The following PHC3 variants were observed in gnomAD, a reference collection of about 807,000 sequenced individuals.
PHC3 encodes the protein polyhomeotic-like protein 3.
Under a neutral mutation model 107.4 loss-of-function variants are expected in PHC3, and 13 were observed. The ratio of observed to expected loss-of-function variants is 0.12; its 90% confidence interval spans 0.08 to 0.19. The LOEUF is 0.19. Ranked by LOEUF, PHC3 falls within the 10% of genes least tolerant of loss-of-function variation. The pLI is 1.00. For missense variants in PHC3, 992 were observed against 1,210.9 expected, an observed-to-expected ratio of 0.82 and a Z score of 2.68; for synonymous variants, 456 against 427.4, an observed-to-expected ratio of 1.07 and a Z score of -0.83.
intron 4 of PHC3, among the ~76,000 whole-genome samples, chr3:170,151,563 G>C (rs1462419385): frequency 6.6e-6 from 1 of 152,194 alleles, no homozygotes; most frequent in Non-Finnish European, 1.5e-5. Flanking sequence ...GGGTATCTTG[G>C]TTCTATAGAG....
intron 4 of PHC3, among the ~76,000 whole-genome samples, chr3:170,150,885 AG>A: frequency 6.6e-6 from 1 of 152,166 alleles, no homozygotes; most frequent in South Asian, 2.1e-4. Context: ...TTCTAATTTT[AG>A]ACCACATGTA....
intron 8 of PHC3, among the ~76,000 whole-genome samples, chr3:170,126,526 ATATTT>A (rs1458932123): frequency 3.6e-5 from 3 of 84,228 alleles, no homozygotes; most frequent in African/African-American, 4.7e-5. Flanking sequence ...ATATATATAT[ATATTT>A]TTTTTTTTTT....
chr3:170,169,185 T>C (rs1362446903), intron 4 of PHC3, among the ~76,000 whole-genome samples: 2 of 152,154 alleles, frequency 1.3e-5, no homozygotes, highest in African/African-American at 4.8e-5. Context: ...TAAAATAATA[T>C]TCCATTTCCC....
chr3:170,154,964 C>T (rs1352600817), intron 4 of PHC3, among the ~76,000 whole-genome samples: 1 of 152,234 alleles, frequency 6.6e-6, no homozygotes, highest in African/African-American at 2.4e-5. Flanking sequence ...CATCCCAACA[C>T]TCCTAATTCC....
At chr3:170,112,799 C>G (rs1718092171) in intron 11 of PHC3, among the ~76,000 whole-genome samples, 1 of 152,200 alleles carries the variant, frequency 6.6e-6, no homozygotes. Context: ...GTTGGGATTA[C>G]AGGCATGAGC....
intron 6 of PHC3, among the ~76,000 whole-genome samples, chr3:170,137,704 G>T (rs1723325871): frequency 6.6e-6 from 1 of 152,186 alleles, no homozygotes; most frequent in African/African-American, 2.4e-5. Context: ...TTCAAGACCA[G>T]CCTGGCCAAC....
At chr3:170,122,788 T>C (rs1720602374) in intron 8 of PHC3, 44 bp from the exon 9 acceptor site, 1 of 1,590,334 alleles carries the variant, frequency 6.3e-7, no homozygotes, top group East Asian at 2.2e-5. Flanking sequence ...TCCAAAACTA[T>C]ATTTTATCAG....
intron 4 of PHC3, among the ~76,000 whole-genome samples, chr3:170,150,960 C>T (rs568888869): frequency 1.6e-4 from 24 of 151,780 alleles, no homozygotes; most frequent in African/African-American, 5.8e-4. Context: ...AGCCTATAAT[C>T]CCAGCACTTT....
At chr3:170,151,870 C>T (rs779598120) in intron 4 of PHC3, among the ~76,000 whole-genome samples, 2 of 152,078 alleles carry the variant, frequency 1.3e-5, no homozygotes, top group Non-Finnish European at 2.9e-5. Context: ...TCTGAACTAA[C>T]CCAGGACACT....
At chr3:170,104,423 C>T (rs1716077327) in intron 12 of PHC3, among the ~76,000 whole-genome samples, 1 of 152,054 alleles carries the variant, frequency 6.6e-6, no homozygotes, top group Non-Finnish European at 1.5e-5. Flanking sequence ...TATGAAACGC[C>T]TTGGTAACCT....
Position 170,087,775 on chromosome 3 carries a change from G to C in PHC3, c.*9455C>G, listed in dbSNP as rs918713830. The C allele has an allele frequency of 1.3e-5, 2 of 152,174 alleles. No homozygotes were observed. The highest frequency in any genetic ancestry group is 4.8e-5 in the African/African-American group (2 of 41,446). 9.4% of individuals were successfully genotyped at this position (152,174 alleles called of 1,614,324 possible). ...GTAACAAAGGTGCAATTACAAGCAA[G>C]TTAAGCAGCAGAGTATAAGGTGCTT... On this transcript the variant is annotated 3_prime_UTR_variant, in exon 15 of 15. Coordinates refer to ENST00000495893, the MANE Select transcript of PHC3 (RefSeq NM_024947.4).
At chr3:170,119,099 TG>T (rs1410392437) in intron 9 of PHC3, among the ~76,000 whole-genome samples, 2 of 150,722 alleles carry the variant, frequency 1.3e-5, no homozygotes, top group Non-Finnish European at 3.0e-5. Context: ...GTTAATGTGC[TG>T]ATTTCTAGGA....
intron 4 of PHC3, chr3:170,150,545 AAAAAAAAAATT>A: frequency 5.9e-6 from 1 of 169,900 alleles, no homozygotes; most frequent in East Asian, 1.8e-4. Context: ...AAAAAAAAAA[AAAAAAAAAATT>A]AAAAAAATTA....
At position 170,096,645 on chromosome 3, in the gene PHC3, T is replaced by C. The variant is rs920159736; in HGVS notation, c.*585A>G. The C allele has an allele frequency of 1.3e-5, 2 of 152,210 alleles. No homozygotes were observed. The highest frequency in any genetic ancestry group is 4.8e-5 in the African/African-American group (2 of 41,454). The allele number at this position is 152,210 out of a possible 1,614,324, so 9.4% of individuals were successfully genotyped here. A position where few individuals can be genotyped will look rare whatever the true frequency, so the allele number is the denominator to read the frequency against. Reference sequence around the variant, plus strand: ...ACCAAATTCTTGGTCAAGTTTGGAATAGAAACTAACTCTTCTCACTTCCAG... The same window carrying C: ...ACCAAATTCTTGGTCAAGTTTGGAACAGAAACTAACTCTTCTCACTTCCAG... On this transcript the variant is annotated 3_prime_UTR_variant, in exon 15 of 15. Coordinates refer to ENST00000495893, the MANE Select transcript of PHC3 (RefSeq NM_024947.4).
chr3:170,140,687 G>A (rs576111991), intron 6 of PHC3, among the ~76,000 whole-genome samples: 3 of 144,974 alleles, frequency 2.1e-5, no homozygotes, highest in Admixed American at 7.2e-5. Flanking sequence ...TCCACATCTC[G>A]GGTGCAAGCG....
intron 11 of PHC3, among the ~76,000 whole-genome samples, chr3:170,112,559 T>A (rs1429935694): frequency 1.4e-5 from 2 of 145,438 alleles, no homozygotes; most frequent in Non-Finnish European, 3.0e-5. Context: ...AGTCTTGCTC[T>A]GTCACCCAGG....
At chr3:170,115,718 T>C (rs1277550188) in intron 10 of PHC3, among the ~76,000 whole-genome samples, 1 of 152,170 alleles carries the variant, frequency 6.6e-6, no homozygotes, top group African/African-American at 2.4e-5. Flanking sequence ...TCGACAACTC[T>C]AAGAGCAAAG....
chr3:170,144,872 A>AT (rs1487730062), intron 6 of PHC3, among the ~76,000 whole-genome samples: 4 of 151,824 alleles, frequency 2.6e-5, no homozygotes, highest in Admixed American at 2.0e-4. Flanking sequence ...CACTTAAACA[A>AT]TTTTTTTTAT....
intron 10 of PHC3, among the ~76,000 whole-genome samples, chr3:170,115,048 A>G (rs960416720): frequency 6.6e-6 from 1 of 152,218 alleles, no homozygotes; most frequent in Non-Finnish European, 1.5e-5. Flanking sequence ...AGCAATACGT[A>G]TCAAGAGTCT....
Sources: allele counts gnomAD v4.1 joint callset (sites outside exome capture counted in the v4.1 genomes callset), GRCh38; gene constraint gnomAD v4.1.1; transcripts MANE v1.5; gene names NCBI Gene and HGNC (gene_info 2026-07-23, HGNC 2026-07-21).